The following UBR2 variants were observed in gnomAD, a reference collection of about 807,000 sequenced individuals.
UBR2 encodes ubiquitin protein ligase E3 component n-recognin 2.
In UBR2, 92 loss-of-function variants were observed where a neutral mutation model predicts 247.9. The observed-to-expected ratio is 0.37, with a 90% CI of 0.31 to 0.44. UBR2 has a LOEUF of 0.44. Ranked by LOEUF, UBR2 falls within the 20% of genes least tolerant of loss-of-function variation. The probability of loss-of-function intolerance (pLI) is 1.00; values close to 1 mark genes in which losing one functional copy is unlikely to be tolerated. For missense variants in UBR2, 1,613 were observed against 2,112.6 expected (o/e 0.76, Z 4.64); for synonymous variants, 672 against 693.5 (o/e 0.97, Z 0.49).
At chr6:42,607,176 CTT>C (rs55637503) in intron 7 of UBR2, among the ~76,000 whole-genome samples, 25 of 143,998 alleles carry the variant, frequency 1.7e-4, no homozygotes, top group African/African-American at 3.0e-4. Context: ...ATAATTTTAT[CTT>C]TTTTTTTTTT....
chr6:42,613,565 A>T (rs1426363501), intron 8 of UBR2, among the ~76,000 whole-genome samples: 1 of 152,036 alleles, frequency 6.6e-6, no homozygotes, highest in South Asian at 2.1e-4. Flanking sequence ...TCTATCTAAA[A>T]TTTTTTTTAA....
At chr6:42,636,179 T>G (rs1393351575) in intron 14 of UBR2, among the ~76,000 whole-genome samples, 1 of 70,092 alleles carries the variant, frequency 1.4e-5, no homozygotes, top group South Asian at 5.8e-4. Context: ...TGTTTTTTTT[T>G]TTGTTTTTTT....
Position 42,642,414 on chromosome 6 carries a change from A to G in UBR2, c.2032-2A>G. On this transcript the variant is annotated splice_acceptor_variant, in intron 17 of 46. Transcript: ENST00000372901. LOFTEE classifies it high-confidence loss of function. The stretch of plus-strand genomic sequence containing the variant: ...ACTCAATATAATTACTTTTTTTTTT[A>G]GATTTATTACTACCATAATGTGAAA... 1.3e-6 allele frequency: 2 copies of G among 1,584,336 alleles called. No homozygotes were observed. Among genetic ancestry groups the G allele is most frequent in the Non-Finnish European group, 1.7e-6 (2 of 1,160,540 alleles).
In UBR2 at chr6:42,615,072, T is replaced by C. The variant is rs1191756365; in HGVS notation, c.987T>C (p.Asp329=). 2 of 1,612,032 alleles carry C rather than the reference T, an allele frequency of 1.2e-6. No individual in the cohort carries two copies. Among genetic ancestry groups the C allele is most frequent in the Non-Finnish European group, 8.5e-7 (1 of 1,179,330 alleles). The change falls in exon 9 of 47, where the codon GAT becomes GAC. Residue 329 remains aspartate, a splice_region_variant and synonymous_variant. Coordinates refer to ENST00000372901, the MANE Select transcript of UBR2 (RefSeq NM_001363705.2). ...SWLGSIIGYS[D]GLRRILCQVG... ...TTCTACCTTTCCTTCTATTTAAAGA[T>C]GGCCTTCGCCGGATTTTATGTCAAG...
At chr6:42,626,767 T>C (rs988884296) in intron 11 of UBR2, among the ~76,000 whole-genome samples, 2 of 152,326 alleles carry the variant, frequency 1.3e-5, no homozygotes, top group Admixed American at 1.3e-4. Flanking sequence ...TGCTTCCTTA[T>C]ATAACTTTAG....
chr6:42,584,851 G>T (rs1582455322), intron 2 of UBR2, among the ~76,000 whole-genome samples: 1 of 152,076 alleles, frequency 6.6e-6, no homozygotes, highest in East Asian at 1.9e-4. Flanking sequence ...TTTACCCTGT[G>T]ACCTTGCTAA....
rs56721828 is a variant in UBR2 at position 42,632,069 on chromosome 6, A to AAAT, written c.1282-482_1282-481insATA. Among the ~76,000 whole-genome samples the AAAT allele has an allele frequency of 4.3e-3, 485 of 114,062 alleles. 3 individuals are homozygous for AAAT. Among genetic ancestry groups the AAAT allele is most frequent in the East Asian group, 0.035 (143 of 4,116 alleles). The allele number at this position is 114,062 out of a possible 152,430, so 74.8% of individuals were successfully genotyped here. On this transcript the variant is annotated intron_variant, in intron 11 of 46. Transcript: ENST00000372901. ...TATTTGCTTATTTAAAAAAAAAAAA[A>AAAT]ATATATATATATATATATATATGTA...
chr6:42,645,435 G>A (rs775414281), intron 20 of UBR2, 31 bp from the exon 21 acceptor site: 2 of 1,594,996 alleles, frequency 1.3e-6, no homozygotes, highest in African/African-American at 1.3e-5. Flanking sequence ...TATGTTAAAT[G>A]TATGTATATG....
intron 2 of UBR2, among the ~76,000 whole-genome samples, chr6:42,585,912 T>G (rs535757037): frequency 6.6e-6 from 1 of 152,306 alleles, no homozygotes; most frequent in Admixed American, 6.5e-5. Flanking sequence ...TTCCTTCTGC[T>G]TAGTTTGGAT....
intron 11 of UBR2, chr6:42,620,093 T>A (rs1794880052): frequency 1.2e-6 from 1 of 844,482 alleles, no homozygotes; most frequent in African/African-American, 1.8e-5. Flanking sequence ...TCTACCAGAC[T>A]CTTTTCCATA....
In UBR2 at chr6:42,617,474, C is replaced by G. The variant is rs1396680285; in HGVS notation, c.1248C>G (p.Asp416Glu). The G allele has an allele frequency of 6.4e-7, 1 of 1,553,426 alleles. No homozygotes were observed. Among genetic ancestry groups the G allele is most frequent in the Non-Finnish European group, 8.7e-7 (1 of 1,147,996 alleles). Reference protein sequence around the residue: ...DDHDREFSVADLSVQIFTVPS... With the variant: ...DDHDREFSVAELSVQIFTVPS... ...ACGACAGAGAGTTTTCAGTCGCAGA[C>G]CTCTCGGTTCAGATATTCACGGTTC... The change falls in exon 11 of 47, where the codon GAC (aspartate) becomes GAG (glutamate). Residue 416 changes from aspartate to glutamate, a missense_variant. Physicochemically the swap from Asp to Glu is conservative, Grantham distance 45. Around this residue, in one of 3 missense-constraint regions of UBR2, gnomAD observed 1,524 missense variants for 1,967.3 expected, o/e 0.77. Coordinates refer to ENST00000372901, the MANE Select transcript of UBR2 (RefSeq NM_001363705.2).
Position 42,673,993 on chromosome 6 carries a change from G to A in UBR2, c.4183+106G>A, listed in dbSNP as rs1798581722. ...AATGAATTAAATATTTAGTAGTACTGGTTTTCTTATATATAAGCTCTAGCT... is the reference window on the plus strand; with the variant it reads ...AATGAATTAAATATTTAGTAGTACTAGTTTTCTTATATATAAGCTCTAGCT... On this transcript the variant is annotated intron_variant, in intron 37 of 46. Coordinates refer to ENST00000372901, the MANE Select transcript of UBR2 (RefSeq NM_001363705.2). 3.1e-6 allele frequency: 4 copies of A among 1,287,970 alleles called. No homozygotes were observed. In the South Asian group the frequency reaches 4.1e-5, roughly 13 times the overall value. The allele number at this position is 1,287,970 out of a possible 1,614,324, so 79.8% of individuals were successfully genotyped here.
Position 42,684,783 on chromosome 6 carries a change from C to A in UBR2, c.4776-11C>A. 1 of 1,598,466 alleles carries A rather than the reference C, an allele frequency of 6.3e-7. No individual in the cohort carries two copies. The highest frequency in any genetic ancestry group is 8.5e-7 in the Non-Finnish European group (1 of 1,171,122). On this transcript the variant is annotated splice_polypyrimidine_tract_variant and intron_variant, in intron 43 of 46. Coordinates refer to ENST00000372901, the MANE Select transcript of UBR2 (RefSeq NM_001363705.2). ...TAATGGAGTGTTCTTTAATTTTTCT[C>A]TTTTTTTCAGATATCCAAGAGAATC...
At chr6:42,604,677 AAATTCTGATTATAT>A (rs1562301028) in intron 5 of UBR2, among the ~76,000 whole-genome samples, 1 of 152,180 alleles carries the variant, frequency 6.6e-6, no homozygotes, top group Non-Finnish European at 1.5e-5. Flanking sequence ...ACTTTAAGGC[AAATTCTGATTATAT>A]CTCCTATCAA....
At chr6:42,649,845 A>G (rs1301916031) in intron 22 of UBR2, among the ~76,000 whole-genome samples, 3 of 152,076 alleles carry the variant, frequency 2.0e-5, no homozygotes, top group Admixed American at 6.6e-5. Context: ...CTCTGTCTCA[A>G]TTGGCTTCTG....
At chr6:42,579,842 A>G (rs1791761288) in intron 2 of UBR2, among the ~76,000 whole-genome samples, 1 of 152,204 alleles carries the variant, frequency 6.6e-6, no homozygotes, top group Non-Finnish European at 1.5e-5. Flanking sequence ...TATACTGTGT[A>G]TATTACACAC....
intron 35 of UBR2, 29 bp from the exon 36 acceptor site, chr6:42,670,631 T>A: frequency 6.9e-7 from 1 of 1,451,174 alleles, no homozygotes; most frequent in Non-Finnish European, 9.5e-7. Flanking sequence ...AACATAACAT[T>A]TACCATTTTA....
At chr6:42,611,964 G>A (rs567401046) in intron 7 of UBR2, among the ~76,000 whole-genome samples, 8 of 150,676 alleles carry the variant, frequency 5.3e-5, no homozygotes, top group African/African-American at 1.7e-4. Flanking sequence ...CTGAACCTTC[G>A]TATTTTTTTG....
rs1582489298 is a variant in UBR2 at position 42,598,627 on chromosome 6, A to G, written c.531+4323A>G. ...GTACCTCTCCCATTTGAGAACCAAC[A>G]CATAATATGTGGTATCTCCTTTGTT... On this transcript the variant is annotated intron_variant, in intron 4 of 46. Transcript: ENST00000372901. 2.6e-5 allele frequency among the ~76,000 whole-genome samples: 4 copies of G among 152,290 alleles called. 1 individual carries two copies. In the East Asian group the frequency reaches 7.7e-4, roughly 29 times the overall value.
Sources: gnomAD v4.1 joint callset for allele counts (sites outside exome capture counted in the v4.1 genomes callset) on GRCh38, gnomAD v4.1.1 for gene constraint, gnomAD v4.1.1 regional missense constraint, MANE v1.5 for transcripts, NCBI Gene and HGNC (gene_info 2026-07-23, HGNC 2026-07-21) for gene names.